The following PLXNC1 variants were observed in gnomAD, a reference collection of about 807,000 sequenced individuals.
PLXNC1 encodes plexin C1.
Under a neutral mutation model 178.2 loss-of-function variants are expected in PLXNC1, and 75 were observed. That is an observed-to-expected ratio of 0.42 (90% CI 0.35 to 0.51). The LOEUF is 0.51. PLXNC1 is among the 20% of genes least tolerant of loss of function. The pLI, the probability that PLXNC1 is intolerant of heterozygous loss-of-function variation, is 0.02. For missense variants in PLXNC1, 1,503 were observed against 1,984.4 expected, an observed-to-expected ratio of 0.76 and a Z score of 4.61; for synonymous variants, 790 against 779.9, an observed-to-expected ratio of 1.01 and a Z score of -0.22.
chr12:94,153,759 G>A (rs10745676), intron 1 of PLXNC1, among the ~76,000 whole-genome samples: 52,800 of 152,054 alleles, frequency 0.35, 9,342 homozygotes, highest in East Asian at 0.54. Context: ...GGGACATACC[G>A]CCTTCTTCCA....
chr12:94,226,433 A>G, intron 7 of PLXNC1, 172 bp from the exon 8 acceptor site: 1 of 552,842 alleles, frequency 1.8e-6, no homozygotes, highest in Non-Finnish European at 3.2e-6. Flanking sequence ...CGGCCCATCA[A>G]CCTGAGGGCT....
chr12:94,248,940 T>G (rs903044472), intron 14 of PLXNC1, among the ~76,000 whole-genome samples: 1 of 152,172 alleles, frequency 6.6e-6, no homozygotes, highest in Non-Finnish European at 1.5e-5. Context: ...CACTGCTATA[T>G]TTATATCCCA....
intron 1 of PLXNC1, 103 bp downstream of exon 1, chr12:94,150,136 A>C (rs1960901990): frequency 1.0e-6 from 1 of 979,534 alleles, no homozygotes; most frequent in African/African-American, 1.7e-5. Flanking sequence ...GCGGGGGTAC[A>C]GCCGGGTGAC....
At chr12:94,166,765 C>G (rs114787568) in intron 1 of PLXNC1, among the ~76,000 whole-genome samples, 2 of 151,780 alleles carry the variant, frequency 1.3e-5, no homozygotes, top group Admixed American at 1.3e-4. Context: ...ACCACTTACC[C>G]ATGCTACTTT....
intron 14 of PLXNC1, 41 bp from the exon 15 acceptor site, chr12:94,251,385 C>G (rs750590776): frequency 8.6e-7 from 1 of 1,163,126 alleles, no homozygotes; most frequent in African/African-American, 1.5e-5. Context: ...AAATACAGTC[C>G]CCAACTCAAT....
rs1969070536 is a variant in PLXNC1, at chr12:94,306,788, T to A, written c.*1503T>A. The A allele has an allele frequency of 6.6e-6, 1 of 152,230 alleles. No individual in the cohort carries two copies. The allele number at this position is 152,230 out of a possible 1,614,324, so 9.4% of individuals were successfully genotyped here. On this transcript the variant is annotated 3_prime_UTR_variant, in exon 31 of 31. Coordinates refer to ENST00000258526, the MANE Select transcript of PLXNC1 (RefSeq NM_005761.3). ...GGAAAAGCATGAGAGAGGTGACACC[T>A]CAACAAACTGATCAGAGAAAATAAG...
chr12:94,214,573 AAT>A (rs1276981432), intron 5 of PLXNC1, among the ~76,000 whole-genome samples: 2 of 152,258 alleles, frequency 1.3e-5, no homozygotes, highest in Non-Finnish European at 2.9e-5. Flanking sequence ...GCAGAATCTA[AAT>A]ATGTTAGCTT....
chr12:94,290,490 G>T (rs948497824), intron 23 of PLXNC1, among the ~76,000 whole-genome samples: 5 of 152,226 alleles, frequency 3.3e-5, no homozygotes, highest in Admixed American at 3.3e-4. Context: ...AGGCCTGATG[G>T]CCCCAGCCGG....
At position 94,148,958 on chromosome 12, in the gene PLXNC1, G is replaced by A. The variant is rs1231624512; in HGVS notation, c.-14G>A. 1.4e-5 allele frequency: 16 copies of A among 1,128,374 alleles called. No individual in the cohort carries two copies. The highest frequency in any genetic ancestry group is 1.7e-5 in the Non-Finnish European group (15 of 887,360). The allele number at this position is 1,128,374 out of a possible 1,614,324, so 69.9% of individuals were successfully genotyped here. On this transcript the variant is annotated 5_prime_UTR_variant, in exon 1 of 31. Coordinates refer to ENST00000258526, the MANE Select transcript of PLXNC1 (RefSeq NM_005761.3). This position sits in a 1 kb window ranked among gnomAD's most constrained non-coding sequence, Gnocchi z 4.8. ...CCGCCGCGCGCCCTGCCCGGGGGCG[G>A]CCCCCCCAGCCCCATGGAGGTCTCC...
chr12:94,297,049 G>A lies in PLXNC1; in HGVS notation c.3935-140G>A, dbSNP rs1320778255. 6.8e-6 allele frequency: 5 copies of A among 735,370 alleles called. No homozygotes were observed. In the East Asian group the frequency reaches 1.2e-4, roughly 18 times the overall value. 45.6% of individuals were successfully genotyped at this position (735,370 alleles called of 1,614,324 possible). A position where few individuals can be genotyped will look rare whatever the true frequency, so the allele number is the denominator to read the frequency against. On this transcript the variant is annotated intron_variant, in intron 24 of 30. Transcript: ENST00000258526. ...CTTAAGATGCAGCAGGGGGAAAAATGTAGCTATGGAGAGCTCAAGTCAAAA... is the reference window on the plus strand; with the variant it reads ...CTTAAGATGCAGCAGGGGGAAAAATATAGCTATGGAGAGCTCAAGTCAAAA...
chr12:94,187,293 G>A (rs750356945), intron 4 of PLXNC1, among the ~76,000 whole-genome samples: 14 of 152,202 alleles, frequency 9.2e-5, no homozygotes, highest in Admixed American at 2.0e-4. Flanking sequence ...GCTGAAGGCT[G>A]AACCAGGGGA....
rs1182231136 is a variant in PLXNC1 at position 94,281,590 on chromosome 12, TA to T, written c.3776-700del. ...TTTTTATATGCAACTTAAAAACTTT[TA>T]AAAAAAATTTTATAGAGACAAGTCT... On this transcript the variant is annotated intron_variant, in intron 22 of 30. Transcript: ENST00000258526. Among the ~76,000 whole-genome samples, 7 of 106,886 alleles carry T rather than the reference TA, an allele frequency of 6.5e-5. No homozygotes were observed. The South Asian group carries it at 1.3e-3, about 19-fold the overall frequency. The allele number at this position is 106,886 out of a possible 152,430, so 70.1% of individuals were successfully genotyped here.
intron 28 of PLXNC1, among the ~76,000 whole-genome samples, chr12:94,301,627 A>C (rs1019734994): frequency 8.5e-5 from 13 of 152,228 alleles, no homozygotes; most frequent in African/African-American, 3.1e-4. Flanking sequence ...TGAGCGCTCC[A>C]AAATATACTA....
chr12:94,197,091 T>C (rs1240248107), intron 4 of PLXNC1, among the ~76,000 whole-genome samples: 1 of 152,196 alleles, frequency 6.6e-6, no homozygotes, highest in Non-Finnish European at 1.5e-5. Context: ...CATGGTCCCT[T>C]CCTGCATCTT....
At chr12:94,277,544 CAG>C (rs1475570369) in intron 21 of PLXNC1, among the ~76,000 whole-genome samples, 1 of 152,166 alleles carries the variant, frequency 6.6e-6, no homozygotes, top group East Asian at 1.9e-4. Context: ...GCGACATACA[CAG>C]AGGTTACACA....
At chr12:94,296,449 C>T (rs950874041) in intron 24 of PLXNC1, among the ~76,000 whole-genome samples, 23 of 152,228 alleles carry the variant, frequency 1.5e-4, no homozygotes, top group African/African-American at 5.5e-4. Flanking sequence ...ATGTGAGCCA[C>T]TGAGCCTCTC....
chr12:94,182,389 G>C (rs1962339568), intron 3 of PLXNC1, among the ~76,000 whole-genome samples: 1 of 125,584 alleles, frequency 8.0e-6, no homozygotes, highest in South Asian at 2.6e-4. Flanking sequence ...CTGTACCCTA[G>C]CCTGGGTGAT....
intron 1 of PLXNC1, chr12:94,167,863 A>G (rs1043592665): frequency 6.6e-6 from 1 of 152,240 alleles, no homozygotes; most frequent in Non-Finnish European, 1.5e-5. Context: ...TTGAAAAGTG[A>G]TCAGGGCATT....
intron 1 of PLXNC1, among the ~76,000 whole-genome samples, chr12:94,164,661 G>GCACACACACA (rs3060912): frequency 2.1e-4 from 31 of 148,830 alleles, no homozygotes; most frequent in African/African-American, 7.7e-4. Flanking sequence ...ATGACTCCCT[G>GCACACACACA]CACACACACA....
Sources: gnomAD v4.1 joint callset for allele counts (sites outside exome capture counted in the v4.1 genomes callset) on GRCh38, gnomAD v4.1.1 for gene constraint, Gnocchi (gnomAD v3.1) non-coding constraint, MANE v1.5 for transcripts, NCBI Gene and HGNC (gene_info 2026-07-23, HGNC 2026-07-21) for gene names.